Variants in KCNIP4 observed in about 807,000 individuals in gnomAD.
The protein encoded by KCNIP4 is potassium voltage-gated channel interacting protein 4.
In KCNIP4, 12 loss-of-function variants were observed where a neutral mutation model predicts 34.0. The observed-to-expected ratio is 0.35, with a 90% CI of 0.23 to 0.57. KCNIP4 has a LOEUF of 0.57. Ranked by LOEUF, KCNIP4 falls within the 20% of genes least tolerant of loss-of-function variation. The probability of loss-of-function intolerance (pLI) is 0.83; values close to 1 mark genes in which losing one functional copy is unlikely to be tolerated. For missense variants in KCNIP4, 238 were observed against 311.7 expected, an observed-to-expected ratio of 0.76 and a Z score of 1.78; for synonymous variants, 124 against 102.2, an observed-to-expected ratio of 1.21 and a Z score of -1.29.
In KCNIP4 at chr4:21,375,649, C is replaced by T. The variant is rs139973422; in HGVS notation, c.62-492940G>A. Among the ~76,000 whole-genome samples, 747 of 151,476 alleles carry T rather than the reference C, an allele frequency of 4.9e-3. 2 individuals carry two copies. The highest frequency in any genetic ancestry group is 0.017 in the African/African-American group (715 of 41,288). The stretch of plus-strand genomic sequence containing the variant: ...TGGTGCGATCTCTGCTCACTGCAAG[C>T]TCCGCCTCCCAGGTTCACCCTGTTG... On this transcript the variant is annotated intron_variant, in intron 1 of 8. Coordinates refer to ENST00000382152, the MANE Select transcript of KCNIP4 (RefSeq NM_025221.6).
chr4:20,933,866 G>A (rs1730762098), intron 1 of KCNIP4, among the ~76,000 whole-genome samples: 1 of 152,038 alleles, frequency 6.6e-6, no homozygotes, highest in Non-Finnish European at 1.5e-5. Context: ...AAACTTCCAT[G>A]TACTGGAAAA....
chr4:21,736,765 T>C (rs919926580), intron 1 of KCNIP4, among the ~76,000 whole-genome samples: 3 of 152,210 alleles, frequency 2.0e-5, no homozygotes, highest in African/African-American at 7.2e-5. Flanking sequence ...ATTTCTTATT[T>C]AGATTTAACT....
chr4:21,920,610 T>C (rs948448911), intron 1 of KCNIP4, among the ~76,000 whole-genome samples: 2 of 152,092 alleles, frequency 1.3e-5, no homozygotes, highest in African/African-American at 4.8e-5. Flanking sequence ...CCCCAACCTA[T>C]TGAAATAAAA....
chr4:20,778,699 G>A (rs1756590563), intron 3 of KCNIP4, among the ~76,000 whole-genome samples: 1 of 152,152 alleles, frequency 6.6e-6, no homozygotes, highest in Admixed American at 6.5e-5. Flanking sequence ...AATAAAGGTG[G>A]TCTTGACCTA....
chr4:20,813,740 C>T (rs1364111027), intron 3 of KCNIP4, among the ~76,000 whole-genome samples: 1 of 152,148 alleles, frequency 6.6e-6, no homozygotes, highest in Non-Finnish European at 1.5e-5. Flanking sequence ...AAACAATTCT[C>T]ACTATTAATA....
intron 3 of KCNIP4, among the ~76,000 whole-genome samples, chr4:20,834,335 C>T (rs1275936448): frequency 6.6e-6 from 1 of 152,152 alleles, no homozygotes. Flanking sequence ...TGAGAAGCAA[C>T]TATGTGCCAG....
chr4:21,556,087 C>T (rs1370648696), intron 1 of KCNIP4, among the ~76,000 whole-genome samples: 2 of 152,072 alleles, frequency 1.3e-5, no homozygotes, highest in Non-Finnish European at 2.9e-5. Flanking sequence ...TTTGTAAAGC[C>T]AACAGCCTTT....
intron 1 of KCNIP4, among the ~76,000 whole-genome samples, chr4:21,147,685 T>G (rs1752456828): frequency 6.6e-6 from 1 of 152,084 alleles, no homozygotes; most frequent in Admixed American, 6.5e-5. Flanking sequence ...ACACCTGTTA[T>G]CCCATCACTT....
At chr4:20,880,478 T>C (rs1160524260) in intron 2 of KCNIP4, among the ~76,000 whole-genome samples, 1 of 152,196 alleles carries the variant, frequency 6.6e-6, no homozygotes, top group Non-Finnish European at 1.5e-5. Flanking sequence ...TAGTATTTTC[T>C]ATTTTTTTTC....
chr4:21,694,462 T>A lies in KCNIP4; in HGVS notation c.61+254109A>T, dbSNP rs538084089. ...AAAAAGCATATGTTTTTATGATAAA[T>A]ACAGACATTATATATGTTTGTAAAA... is the stretch of plus-strand genomic sequence containing the variant. On this transcript the variant is annotated intron_variant, in intron 1 of 8. Coordinates refer to ENST00000382152, the MANE Select transcript of KCNIP4 (RefSeq NM_025221.6). Among the ~76,000 whole-genome samples the A allele has an allele frequency of 4.9e-4, 75 of 152,272 alleles. No homozygotes were observed. In the East Asian group the frequency reaches 0.014, roughly 27 times the overall value.
intron 1 of KCNIP4, 53 bp downstream of exon 1, chr4:21,948,518 C>T: frequency 6.3e-7 from 1 of 1,575,220 alleles, no homozygotes. Flanking sequence ...TCTTGGCTCG[C>T]GAGGGAAGGA....
chr4:21,241,625 G>T (rs1484791985), intron 1 of KCNIP4, among the ~76,000 whole-genome samples: 1 of 152,174 alleles, frequency 6.6e-6, no homozygotes, highest in Non-Finnish European at 1.5e-5. Flanking sequence ...GAATTAGCTT[G>T]GGAGGGGAGG....
intron 1 of KCNIP4, among the ~76,000 whole-genome samples, chr4:21,429,946 C>A (rs911162637): frequency 6.6e-6 from 1 of 152,106 alleles, no homozygotes. Context: ...ATGCACTGAG[C>A]ATCTATCTAT....
intron 1 of KCNIP4, among the ~76,000 whole-genome samples, chr4:21,776,661 A>G (rs1719200590): frequency 6.6e-6 from 1 of 152,172 alleles, no homozygotes; most frequent in African/African-American, 2.4e-5. Context: ...TTGTAATCCC[A>G]TAATCCCTAG....
At chr4:21,446,065 C>A (rs1343426458) in intron 1 of KCNIP4, among the ~76,000 whole-genome samples, 3 of 152,132 alleles carry the variant, frequency 2.0e-5, no homozygotes, top group African/African-American at 4.8e-5. Context: ...AAATCAAAAC[C>A]ACAATGAGAT....
chr4:21,877,810 C>A (rs1203248170), intron 1 of KCNIP4, among the ~76,000 whole-genome samples: 1 of 152,160 alleles, frequency 6.6e-6, no homozygotes, highest in Non-Finnish European at 1.5e-5. Context: ...ACAAGAATAT[C>A]TCTTAGATAT....
At chr4:20,896,172 G>A (rs756100968) in intron 1 of KCNIP4, among the ~76,000 whole-genome samples, 3 of 152,036 alleles carry the variant, frequency 2.0e-5, no homozygotes, top group Non-Finnish European at 4.4e-5. Flanking sequence ...ATGCATGCTC[G>A]GTTTGCCAGT....
At chr4:21,358,511 T>C (rs984225042) in intron 1 of KCNIP4, among the ~76,000 whole-genome samples, 3 of 152,062 alleles carry the variant, frequency 2.0e-5, no homozygotes, top group Non-Finnish European at 4.4e-5. Context: ...ACCAAAACAG[T>C]GATATGCAAA....
intron 1 of KCNIP4, among the ~76,000 whole-genome samples, chr4:21,550,797 T>A (rs952743489): frequency 6.6e-6 from 1 of 152,088 alleles, no homozygotes; most frequent in African/African-American, 2.4e-5. Flanking sequence ...TGTGTGAGCA[T>A]AACATATACA....
Sources: gnomAD v4.1 joint callset for allele counts (sites outside exome capture counted in the v4.1 genomes callset) on GRCh38, gnomAD v4.1.1 for gene constraint, MANE v1.5 for transcripts, NCBI Gene and HGNC (gene_info 2026-07-23, HGNC 2026-07-21) for gene names.